The following PIBF1 variants were observed in gnomAD, a reference collection of about 807,000 sequenced individuals.
PIBF1 encodes the protein progesterone immunomodulatory binding factor 1, also known as progesterone-induced-blocking factor 1.
PIBF1 carries 90 observed loss-of-function variants against 112.5 expected under a neutral mutation model. The ratio of observed to expected loss-of-function variants is 0.80; its 90% CI spans 0.67 to 0.95. PIBF1 has a LOEUF of 0.95. Ranked by LOEUF, PIBF1 falls within the 40% of genes least tolerant of loss-of-function variation. PIBF1 has a pLI of 0.00. For synonymous variants in PIBF1, 301 were observed against 288.6 expected, an observed-to-expected ratio of 1.04 and a Z score of -0.44; for missense variants, 915 against 852.3, an observed-to-expected ratio of 1.07 and a Z score of -0.92.
intron 6 of PIBF1, among the ~76,000 whole-genome samples, chr13:72,824,199 A>G (rs1185993700): frequency 7.0e-6 from 1 of 143,750 alleles, no homozygotes; most frequent in Admixed American, 6.9e-5. Flanking sequence ...TTTTTTTTTA[A>G]GTAGAGACAT....
At position 72,908,656 on chromosome 13, in the gene PIBF1, T is replaced by A; in HGVS notation, c.1614T>A (p.Asp538Glu). Residue 538 changes from aspartate (D) to glutamate (E), a missense_variant, in exon 12 of 18, where the codon GAT (aspartate) becomes GAA (glutamate). Coordinates refer to ENST00000326291, the MANE Select transcript of PIBF1 (RefSeq NM_006346.4). ...DIYEKLEKEL[D>E]EIIMQTAEIE... Reference sequence around the variant, plus strand: ...ATGAGAAACTGGAAAAAGAGCTTGATGAAATAATAATGCAAACTGCAGAAA... The same window carrying A: ...ATGAGAAACTGGAAAAAGAGCTTGAAGAAATAATAATGCAAACTGCAGAAA... 1 of 1,613,050 alleles carries A rather than the reference T, an allele frequency of 6.2e-7. No homozygotes were observed. The highest frequency in any genetic ancestry group is 8.5e-7 in the Non-Finnish European group (1 of 1,179,504).
At chr13:72,864,808 G>A (rs1397754363) in intron 10 of PIBF1, among the ~76,000 whole-genome samples, 1 of 152,268 alleles carries the variant, frequency 6.6e-6, no homozygotes, top group African/African-American at 2.4e-5. Context: ...AAGTGTGAGT[G>A]TATTTCTCCC....
At chr13:72,795,160 C>T (rs560850567) in intron 3 of PIBF1, among the ~76,000 whole-genome samples, 199 bp from the exon 4 acceptor site, 9 of 152,212 alleles carry the variant, frequency 5.9e-5, no homozygotes, top group Admixed American at 5.2e-4. Context: ...TATATGGTTA[C>T]ACATTTAATA....
Position 72,998,816 on chromosome 13 carries a change from C to G in PIBF1, c.2050-6C>G, listed in dbSNP as rs1426435466. 1 of 1,604,808 alleles carries G rather than the reference C, an allele frequency of 6.2e-7. No individual in the cohort carries two copies. The highest frequency in any genetic ancestry group is 1.1e-5 in the South Asian group (1 of 89,720). ...GCTACTTTCTTCTGTTTTCATATAT[C>G]AACAGGAATTGGCAGCAATGAAACA... On this transcript the variant is annotated splice_region_variant and splice_polypyrimidine_tract_variant and intron_variant, in intron 16 of 17. Transcript: ENST00000326291.
At chr13:72,908,947 T>A (rs1477759445) in intron 12 of PIBF1, among the ~76,000 whole-genome samples, 1 of 151,846 alleles carries the variant, frequency 6.6e-6, no homozygotes, top group Admixed American at 6.6e-5. Context: ...CTCCAGAGGC[T>A]GAGGCAGGAG....
chr13:72,851,502 T>TG (rs1031578245), intron 9 of PIBF1, among the ~76,000 whole-genome samples: 5 of 152,176 alleles, frequency 3.3e-5, no homozygotes, highest in African/African-American at 1.2e-4. Context: ...CTGGCCAAAG[T>TG]GGGGGATGAG....
intron 10 of PIBF1, among the ~76,000 whole-genome samples, chr13:72,881,378 A>G (rs531031687): frequency 1.3e-5 from 2 of 152,346 alleles, no homozygotes; most frequent in East Asian, 3.9e-4. Context: ...TTAAGAAAGT[A>G]TTCCCATTTA....
Position 72,893,798 on chromosome 13 carries a change from A to T in PIBF1, c.1337A>T (p.Gln446Leu). ...DQLLDRYREL[Q>L]LSTESKVTEF... is the part of the protein sequence containing the mutation. ...GCTTCTTTCAGGTACAGAGAACTAC[A>T]ACTTAGTACAGAAAGCAAAGTAACA... The change falls in exon 11 of 18, where the codon CAA (glutamine) becomes CTA (leucine). Residue 446 changes from glutamine to leucine, a missense_variant. Physicochemically the swap from Gln to Leu is moderately radical, Grantham distance 113. Transcript: ENST00000326291. 2 of 1,589,578 alleles carry T rather than the reference A, an allele frequency of 1.3e-6. No homozygotes were observed.
At chr13:72,983,250 T>C (rs1171360997) in intron 16 of PIBF1, among the ~76,000 whole-genome samples, 2 of 151,946 alleles carry the variant, frequency 1.3e-5, no homozygotes, top group African/African-American at 4.8e-5. Flanking sequence ...CAGTGAGTCA[T>C]GATTGCACCA....
At chr13:72,986,263 T>C (rs1373221765) in intron 16 of PIBF1, among the ~76,000 whole-genome samples, 1 of 152,052 alleles carries the variant, frequency 6.6e-6, no homozygotes, top group Non-Finnish European at 1.5e-5. Flanking sequence ...GGGAAAGCAA[T>C]TGCACTTGGT....
At chr13:72,930,782 G>A (rs1283474094) in intron 13 of PIBF1, among the ~76,000 whole-genome samples, 1 of 152,096 alleles carries the variant, frequency 6.6e-6, no homozygotes, top group Non-Finnish European at 1.5e-5. Flanking sequence ...ATTATTGTTT[G>A]TAATATTTCA....
chr13:72,878,000 C>T (rs550373083), intron 10 of PIBF1, among the ~76,000 whole-genome samples: 6 of 152,146 alleles, frequency 3.9e-5, no homozygotes, highest in South Asian at 2.1e-4. Flanking sequence ...CCGCCCACCT[C>T]GGCCTCCCAA....
rs181666018 is a variant in PIBF1 at position 72,912,891 on chromosome 13, A to G, written c.1640-4185A>G. On this transcript the variant is annotated intron_variant, in intron 12 of 17. Transcript: ENST00000326291. ...TGATTATAGTATGTGGTATGATTAT[A>G]CTATATGATTATAGTATATGGTATG... is the stretch of plus-strand genomic sequence containing the variant. Among the ~76,000 whole-genome samples the G allele has an allele frequency of 2.6e-5, 4 of 151,608 alleles. No individual in the cohort carries two copies. The East Asian group carries it at 7.7e-4, about 29-fold the overall frequency.
intron 10 of PIBF1, among the ~76,000 whole-genome samples, chr13:72,876,248 G>C (rs1228481857): frequency 2.8e-5 from 4 of 143,392 alleles, no homozygotes; most frequent in Non-Finnish European, 6.0e-5. Context: ...TCAGTTGACT[G>C]TGCGGGTCTA....
At chr13:72,843,042 C>T (rs1285667792) in intron 9 of PIBF1, among the ~76,000 whole-genome samples, 1 of 151,980 alleles carries the variant, frequency 6.6e-6, no homozygotes, top group Non-Finnish European at 1.5e-5. Context: ...TGGTGTAATT[C>T]GTTGTGTGTT....
At chr13:72,943,114 T>A (rs745345235) in intron 14 of PIBF1, among the ~76,000 whole-genome samples, 1 of 152,198 alleles carries the variant, frequency 6.6e-6, no homozygotes, top group Non-Finnish European at 1.5e-5. Context: ...AATTTTTTTT[T>A]AATTTAGCAA....
chr13:72,997,630 G>T (rs140941441), intron 16 of PIBF1, among the ~76,000 whole-genome samples: 35 of 152,320 alleles, frequency 2.3e-4, no homozygotes, highest in East Asian at 7.7e-4. Context: ...GAAGAGAAAG[G>T]CCTGTAGGAA....
chr13:72,822,496 A>ATC (rs2036600978), intron 6 of PIBF1, among the ~76,000 whole-genome samples: 2 of 152,280 alleles, frequency 1.3e-5, no homozygotes, highest in African/African-American at 4.8e-5. Context: ...CCCTCAGTAC[A>ATC]TCTCTTTTCA....
chr13:72,999,051 ATT>A lies in PIBF1; in HGVS notation c.2223+59_2223+60del, dbSNP rs919407895. ...AATATTCCTGATTCTTACTAAATGTATTTTAGTTAATTTTTTCCTTTTACATT... is the reference window on the plus strand; with the variant it reads ...AATATTCCTGATTCTTACTAAATGTATTAGTTAATTTTTTCCTTTTACATT... On this transcript the variant is annotated intron_variant, in intron 17 of 17. Transcript: ENST00000326291. 2.6e-6 allele frequency: 3 copies of A among 1,135,650 alleles called. No individual in the cohort carries two copies. The African/African-American group carries it at 4.7e-5, about 18-fold the overall frequency. 70.3% of individuals were successfully genotyped at this position (1,135,650 alleles called of 1,614,324 possible). A position where few individuals can be genotyped will look rare whatever the true frequency, so the allele number is the denominator to read the frequency against.
Sources: gnomAD v4.1 joint callset for allele counts (sites outside exome capture counted in the v4.1 genomes callset) on GRCh38, gnomAD v4.1.1 for gene constraint, MANE v1.5 for transcripts, NCBI Gene and HGNC (gene_info 2026-07-23, HGNC 2026-07-21) for gene names.